Variants in TFPT observed in about 807,000 individuals in gnomAD.
TFPT encodes TCF3 fusion partner, also known as INO80 complex subunit F.
Under a neutral mutation model 28.8 loss-of-function variants are expected in TFPT, and 27 were observed. The observed-to-expected ratio is 0.94, with a 90% CI of 0.69 to 1.29. The LOEUF (loss-of-function observed/expected upper bound fraction) is 1.29, where lower values mean the gene tolerates loss of function less well. Ranked by LOEUF, TFPT falls within the 50% of genes most tolerant of loss-of-function variation. The pLI, the probability that TFPT is intolerant of heterozygous loss-of-function variation, is 0.00. For synonymous variants in TFPT, 152 were observed against 142.8 expected (o/e 1.06, Z -0.46); for missense variants, 330 against 338.0 (o/e 0.98, Z 0.19).
intron 2 of TFPT, among the ~76,000 whole-genome samples, chr19:54,113,702 T>C (rs757623099): frequency 6.6e-6 from 1 of 152,216 alleles, no homozygotes; most frequent in Non-Finnish European, 1.5e-5. Context: ...GATTGATTGA[T>C]TGATTTTGAG....
At chr19:54,107,995 G>T in intron 5 of TFPT, 31 bp downstream of exon 5, 2 of 1,510,616 alleles carry the variant, frequency 1.3e-6, no homozygotes, top group Non-Finnish European at 1.8e-6. Flanking sequence ...TGGAGCCCCA[G>T]TCCCTCCCCT....
At chr19:54,109,995 TG>T in intron 3 of TFPT, 55 bp downstream of exon 3, 1 of 1,562,596 alleles carries the variant, frequency 6.4e-7, no homozygotes, top group Non-Finnish European at 8.8e-7. Context: ...ACAGAGGGGC[TG>T]GGAGCATTTG....
In TFPT at chr19:54,108,065, T is replaced by A. The variant is rs1299595387; in HGVS notation, c.603A>T (p.Arg201=). The A allele has an allele frequency of 6.5e-7, 1 of 1,541,020 alleles. No individual in the cohort carries two copies. Among genetic ancestry groups the A allele is most frequent in the Non-Finnish European group, 8.7e-7 (1 of 1,144,946 alleles). ...KRRRVPRDGR[R]AGNALTPELA... ...GCTCTGGAGTCAGCGCATTTCCTGC[T>A]CGGCGTCCATCCCGTGGCACTCGCC... is the stretch of plus-strand genomic sequence containing the variant. The change falls in exon 5 of 6, where the codon CGA becomes CGT. Residue 201 remains arginine (R), a synonymous_variant. Transcript: ENST00000391759.
rs374153801 is a variant in TFPT at position 54,108,396 on chromosome 19, C to A, written c.354-1G>T. ...GGAGTCCAGCACTCTCATGAGGAAC[C>A]TGCTCAGGGGGAGAAGCCACCAACG... On this transcript the variant is annotated splice_acceptor_variant, in intron 3 of 5. Transcript: ENST00000391759. LOFTEE classifies it high-confidence loss of function. 50 of 1,613,802 alleles carry A rather than the reference C, an allele frequency of 3.1e-5. No individual in the cohort carries two copies. Among genetic ancestry groups the A allele is most frequent in the Non-Finnish European group, 4.2e-5 (49 of 1,179,904 alleles).
rs142874517 is a variant in TFPT at position 54,114,838 on chromosome 19, C to G, written c.24-138G>C. 1,194 of 1,270,562 alleles carry G rather than the reference C, an allele frequency of 9.4e-4. 8 individuals carry two copies. In the African/African-American group the frequency reaches 0.012, roughly 13 times the overall value. The allele number at this position is 1,270,562 out of a possible 1,614,324, so 78.7% of individuals were successfully genotyped here. Reference sequence around the variant, plus strand: ...GCCCCCAGCCCCTCCTCCCTCAGACCGTAGAATCCAGCTCCCAGCCCTCCT... The same window carrying G: ...GCCCCCAGCCCCTCCTCCCTCAGACGGTAGAATCCAGCTCCCAGCCCTCCT... On this transcript the variant is annotated intron_variant, in intron 1 of 5. Transcript: ENST00000391759.
intron 2 of TFPT, among the ~76,000 whole-genome samples, chr19:54,112,184 G>A (rs1173414546): frequency 1.3e-5 from 2 of 151,076 alleles, no homozygotes; most frequent in Non-Finnish European, 2.9e-5. Context: ...AGTCCAGGAT[G>A]TTGGGGCTGC....
rs1277243567 is a variant in TFPT, at chr19:54,108,330, A to C, written c.419T>G (p.Leu140Arg). ...DYRASQFTIV[L>R]EDEGSQGTDA... Reference sequence around the variant, plus strand: ...TCCTGGAGGCCCAACACTCACCTCCAGCACAATGGTGAACTGGCTGGCCCG... The same window carrying C: ...TCCTGGAGGCCCAACACTCACCTCCCGCACAATGGTGAACTGGCTGGCCCG... The change falls in exon 4 of 6, where the codon CTG (leucine) becomes CGG (arginine). Residue 140 changes from leucine (L) to arginine (R), a missense_variant. Leu to Arg is a moderately radical substitution (Grantham distance 102). Coordinates refer to ENST00000391759, the MANE Select transcript of TFPT (RefSeq NM_013342.4). 6.2e-7 allele frequency: 1 copy of C among 1,604,344 alleles called. No homozygotes were observed.
In TFPT at chr19:54,107,148, CAA is replaced by C; in HGVS notation, c.662_663del (p.Phe221TrpfsTer3). The C allele has an allele frequency of 6.2e-7, 1 of 1,613,802 alleles. No individual in the cohort carries two copies. The highest frequency in any genetic ancestry group is 8.5e-7 in the Non-Finnish European group (1 of 1,179,938). ...TCCAGGGCCTCATCTGCTTCAAAGC[CAA>C]AGTCTTCCTCAACCTTAATCTGCAG... ...APVQIKVEEDFGFEADEALDS... is the reference protein window; with the variant it reads ...APVQIKVEEDXGFEADEALDS... On this transcript the variant is annotated frameshift_variant, in exon 6 of 6. Transcript: ENST00000391759. LOFTEE classifies it high-confidence loss of function.
In TFPT at chr19:54,115,225, T is replaced by C. The variant is rs756893386; in HGVS notation, c.23+22A>G. On this transcript the variant is annotated intron_variant, in intron 1 of 5. Transcript: ENST00000391759. ...ACTGTTTTCTGGGATTCGCACTTTTTCACAAGGGCTCAGCCACATACCCTT... is the reference window on the plus strand; with the variant it reads ...ACTGTTTTCTGGGATTCGCACTTTTCCACAAGGGCTCAGCCACATACCCTT... The C allele has an allele frequency of 1.9e-6, 3 of 1,613,992 alleles. No homozygotes were observed. The South Asian group carries it at 3.3e-5, about 18-fold the overall frequency.
chr19:54,107,880 C>T, intron 5 of TFPT, 146 bp downstream of exon 5: 1 of 732,262 alleles, frequency 1.4e-6, no homozygotes, highest in South Asian at 2.9e-5. Flanking sequence ...AGCCCTGGGC[C>T]CCTCGGGGTG....
chr19:54,109,874 T>TCCACCCGGCCCTC (rs2073400196), intron 3 of TFPT, among the ~76,000 whole-genome samples, 177 bp downstream of exon 3: 38 of 151,300 alleles, frequency 2.5e-4, no homozygotes, highest in African/African-American at 4.4e-4. Context: ...CTCAGCCCTC[T>TCCACCCGGCCCTC]CCTCCAACAC....
chr19:54,111,797 G>A (rs978701009), intron 2 of TFPT, among the ~76,000 whole-genome samples: 3 of 150,588 alleles, frequency 2.0e-5, no homozygotes, highest in Admixed American at 1.3e-4. Context: ...CCAGCCTAAC[G>A]TGGTGAAACC....
chr19:54,108,569 G>C (rs778902285), intron 3 of TFPT, 174 bp from the exon 4 acceptor site: 82 of 1,594,070 alleles, frequency 5.1e-5, no homozygotes, highest in Non-Finnish European at 6.5e-5. Context: ...CCAGCCTTGA[G>C]ACCTCGAGCA....
At chr19:54,108,506 G>T in intron 3 of TFPT, 111 bp from the exon 4 acceptor site, 1 of 1,613,334 alleles carries the variant, frequency 6.2e-7, no homozygotes, top group South Asian at 1.1e-5. Context: ...AGCTGTCCTG[G>T]AGCCAGACGG....
At chr19:54,113,081 G>T (rs958278417) in intron 2 of TFPT, among the ~76,000 whole-genome samples, 1 of 111,262 alleles carries the variant, frequency 9.0e-6, no homozygotes, top group African/African-American at 3.6e-5. Context: ...AGACAAGAGC[G>T]AGACTCCACC....
chr19:54,107,976 C>T lies in TFPT; in HGVS notation c.642+50G>A, dbSNP rs77147173. On this transcript the variant is annotated intron_variant, in intron 5 of 5. Coordinates refer to ENST00000391759, the MANE Select transcript of TFPT (RefSeq NM_013342.4). ...AGTCCCCCCTCCTTACCTGCACTGG[C>T]GCCGGCTCTGGAGCCCCAGTCCCTC... 2.6e-3 allele frequency: 3,943 copies of T among 1,499,090 alleles called. 75 individuals are homozygous for T. In the African/African-American group the frequency reaches 0.042, roughly 16 times the overall value. 92.9% of individuals were successfully genotyped at this position (1,499,090 alleles called of 1,614,324 possible). A position where few individuals can be genotyped will look rare whatever the true frequency, so the allele number is the denominator to read the frequency against.
At chr19:54,113,340 G>C (rs2073508812) in intron 2 of TFPT, among the ~76,000 whole-genome samples, 1 of 152,088 alleles carries the variant, frequency 6.6e-6, no homozygotes, top group Non-Finnish European at 1.5e-5. Flanking sequence ...GCGGAGATCA[G>C]GGTGATGTTT....
At chr19:54,108,934 A>G (rs1388852241) in intron 3 of TFPT, 6 of 242,244 alleles carry the variant, frequency 2.5e-5, no homozygotes, top group East Asian at 2.2e-4. Flanking sequence ...TCACTCTGTC[A>G]CCCAGGCTGG....
At chr19:54,109,885 C>G (rs183747218) in intron 3 of TFPT, among the ~76,000 whole-genome samples, 166 bp downstream of exon 3, 133 of 152,256 alleles carry the variant, frequency 8.7e-4, no homozygotes, top group African/African-American at 3.1e-3. Context: ...CCTCCAACAC[C>G]GAATCCCACT....
Sources: gnomAD v4.1 joint callset for allele counts (sites outside exome capture counted in the v4.1 genomes callset) on GRCh38, gnomAD v4.1.1 for gene constraint, MANE v1.5 for transcripts, NCBI Gene and HGNC (gene_info 2026-07-23, HGNC 2026-07-21) for gene names.